PLCB1: variants seen among roughly 807,000 people sequenced by gnomAD.
PLCB1 encodes the protein phospholipase C beta 1.
A neutral mutation model predicts 161.8 loss-of-function variants in PLCB1; 46 were observed. The ratio of observed to expected loss-of-function variants is 0.28; its 90% CI spans 0.22 to 0.36. The LOEUF is 0.36. Among genes scored for constraint, PLCB1 ranks in the 10% least tolerant of loss-of-function variants. PLCB1 has a pLI of 1.00. For missense variants in PLCB1, 1,016 were observed against 1,472.5 expected (o/e 0.69, Z 5.07); for synonymous variants, 517 against 503.7 (o/e 1.03, Z -0.35).
chr20:8,164,212 A>G (rs1159190337), intron 2 of PLCB1, among the ~76,000 whole-genome samples: 1 of 152,186 alleles, frequency 6.6e-6, no homozygotes, highest in Admixed American at 6.5e-5. Context: ...GAATTGGGCC[A>G]TTAATCTAGG....
At chr20:8,738,930 A>G (rs1341618820) in intron 20 of PLCB1, among the ~76,000 whole-genome samples, 1 of 152,144 alleles carries the variant, frequency 6.6e-6, no homozygotes, top group Non-Finnish European at 1.5e-5. Context: ...GTGGTGGATC[A>G]CCTGAGGTCG....
At chr20:8,400,803 C>T (rs534873949) in intron 3 of PLCB1, among the ~76,000 whole-genome samples, 13 of 151,922 alleles carry the variant, frequency 8.6e-5, no homozygotes, top group South Asian at 2.1e-4. Context: ...TTATTGTTTC[C>T]GGTTTTTTGC....
At chr20:8,513,832 A>T (rs929839814) in intron 3 of PLCB1, among the ~76,000 whole-genome samples, 1 of 151,938 alleles carries the variant, frequency 6.6e-6, no homozygotes, top group Non-Finnish European at 1.5e-5. Flanking sequence ...CAAAATAGTA[A>T]GACCTCTGTC....
intron 3 of PLCB1, among the ~76,000 whole-genome samples, chr20:8,430,223 A>G (rs531714950): frequency 6.6e-6 from 1 of 152,066 alleles, no homozygotes; most frequent in Non-Finnish European, 1.5e-5. Flanking sequence ...AAAAAATCAA[A>G]GCTGAGTCCA....
intron 2 of PLCB1, among the ~76,000 whole-genome samples, chr20:8,331,624 T>G (rs1985368099): frequency 6.6e-6 from 1 of 152,200 alleles, no homozygotes; most frequent in African/African-American, 2.4e-5. Flanking sequence ...GGCACTTCAC[T>G]AAAAGAGTGG....
At chr20:8,711,889 A>G (rs1568569616) in intron 12 of PLCB1, among the ~76,000 whole-genome samples, 1 of 152,090 alleles carries the variant, frequency 6.6e-6, no homozygotes, top group Admixed American at 6.5e-5. Flanking sequence ...TCTGACACCT[A>G]TTTGCCATCT....
intron 2 of PLCB1, among the ~76,000 whole-genome samples, chr20:8,276,977 C>A (rs2719780): frequency 0.11 from 10,540 of 94,680 alleles, 540 homozygotes; most frequent in Middle Eastern, 0.2. Flanking sequence ...TCTTCTTCTT[C>A]TTCTTCTTCT....
chr20:8,692,589 T>C (rs928988608), intron 10 of PLCB1, among the ~76,000 whole-genome samples: 1 of 152,178 alleles, frequency 6.6e-6, no homozygotes, highest in Admixed American at 6.5e-5. Flanking sequence ...CTTAAAGATT[T>C]AAGCAGTGTA....
chr20:8,156,290 A>G (rs938502234), intron 2 of PLCB1, among the ~76,000 whole-genome samples: 2 of 152,200 alleles, frequency 1.3e-5, no homozygotes, highest in African/African-American at 4.8e-5. Flanking sequence ...TTTATATTAT[A>G]TCCCAGAACT....
chr20:8,530,447 T>C (rs1984762421), intron 3 of PLCB1, among the ~76,000 whole-genome samples: 1 of 152,070 alleles, frequency 6.6e-6, no homozygotes, highest in Admixed American at 6.6e-5. Flanking sequence ...TCTCCTTTGA[T>C]CCATGAATTG....
chr20:8,803,918 C>T (rs1600341217), intron 31 of PLCB1, among the ~76,000 whole-genome samples: 1 of 151,970 alleles, frequency 6.6e-6, no homozygotes, highest in African/African-American at 2.4e-5. Flanking sequence ...CTCAGCCTCC[C>T]GAGTAGCTGG....
chr20:8,333,162 A>G (rs534790542), intron 2 of PLCB1, among the ~76,000 whole-genome samples: 51 of 152,300 alleles, frequency 3.3e-4, no homozygotes, highest in African/African-American at 1.2e-3. Context: ...AGGGAATTCC[A>G]GTCATGTGCT....
intron 6 of PLCB1, among the ~76,000 whole-genome samples, chr20:8,648,172 C>T (rs1163964457): frequency 6.6e-6 from 1 of 152,130 alleles, no homozygotes; most frequent in African/African-American, 2.4e-5. Context: ...TCAAGAAATA[C>T]CAAAGCAGGA....
chr20:8,320,232 G>A (rs1984850088), intron 2 of PLCB1, among the ~76,000 whole-genome samples: 1 of 152,098 alleles, frequency 6.6e-6, no homozygotes, highest in Non-Finnish European at 1.5e-5. Context: ...ATCTTTCAGA[G>A]TAACACAGAC....
intron 3 of PLCB1, among the ~76,000 whole-genome samples, chr20:8,450,577 C>T (rs1981029031): frequency 6.6e-6 from 1 of 152,140 alleles, no homozygotes; most frequent in Non-Finnish European, 1.5e-5. Flanking sequence ...CTCTGCTCCT[C>T]AAACATCCAG....
intron 27 of PLCB1, among the ~76,000 whole-genome samples, chr20:8,779,788 G>A (rs1267354717): frequency 1.3e-5 from 2 of 152,256 alleles, no homozygotes; most frequent in African/African-American, 2.4e-5. Flanking sequence ...TACAATTTCC[G>A]TTATTTGAAA....
At chr20:8,186,411 C>T (rs1407805458) in intron 2 of PLCB1, among the ~76,000 whole-genome samples, 2 of 152,024 alleles carry the variant, frequency 1.3e-5, no homozygotes, top group Non-Finnish European at 2.9e-5. Flanking sequence ...TTTACTTTTA[C>T]TATATTGTTT....
intron 11 of PLCB1, among the ~76,000 whole-genome samples, chr20:8,705,838 G>A (rs1160825802): frequency 6.6e-6 from 1 of 152,224 alleles, no homozygotes; most frequent in East Asian, 1.9e-4. Flanking sequence ...GTTAGGCTGT[G>A]TAGATTATGA....
chr20:8,452,700 A>T (rs914721422), intron 3 of PLCB1, among the ~76,000 whole-genome samples: 1 of 152,168 alleles, frequency 6.6e-6, no homozygotes. Context: ...GTCCAAAGAG[A>T]TGAGTACAGA....
Sources: gnomAD v4.1 joint callset for allele counts (sites outside exome capture counted in the v4.1 genomes callset) on GRCh38, gnomAD v4.1.1 for gene constraint, MANE v1.5 for transcripts, NCBI Gene and HGNC (gene_info 2026-07-23, HGNC 2026-07-21) for gene names.